Variants in MAPK6 observed in about 807,000 individuals in gnomAD.
The protein encoded by MAPK6 is ERK-3.
Under a neutral mutation model 59.3 loss-of-function variants are expected in MAPK6, and 19 were observed. The ratio of observed to expected loss-of-function variants is 0.32; its 90% CI spans 0.22 to 0.47. MAPK6 has a LOEUF of 0.47. Among genes scored for constraint, MAPK6 ranks in the 20% least tolerant of loss-of-function variants. The pLI, the probability that MAPK6 is intolerant of heterozygous loss-of-function variation, is 1.00. For synonymous variants in MAPK6, 316 were observed against 290.3 expected (o/e 1.09, Z -0.90); for missense variants, 724 against 847.9 (o/e 0.85, Z 1.81).
At chr15:52,010,432 C>A (rs1334817171) in intron 3 of MAPK6, among the ~76,000 whole-genome samples, 1 of 149,822 alleles carries the variant, frequency 6.7e-6, no homozygotes, top group Non-Finnish European at 1.5e-5. Context: ...TCAGGCTGGT[C>A]TTGAACGCCT....
chr15:52,030,641 T>TTTTA, intron 1 of MAPK6, among the ~76,000 whole-genome samples: 1 of 111,988 alleles, frequency 8.9e-6, no homozygotes, highest in Non-Finnish European at 1.9e-5. Context: ...TTTTTTTTTT[T>TTTTA]GAGGCAGAGT....
chr15:51,973,900 C>T (rs942245317), intron 1 of MAPK6, among the ~76,000 whole-genome samples: 2 of 151,842 alleles, frequency 1.3e-5, no homozygotes, highest in African/African-American at 2.4e-5. Context: ...GATCCACCCG[C>T]CTTGGCCTCC....
At chr15:51,979,062 G>A (rs2141803930) in intron 1 of MAPK6, among the ~76,000 whole-genome samples, 2 of 137,526 alleles carry the variant, frequency 1.5e-5, no homozygotes, top group South Asian at 5.3e-4. Context: ...AGTGAGCCAT[G>A]ATCATGCCAC....
At chr15:52,050,785 ATG>A (rs2031753131) in intron 3 of MAPK6, among the ~76,000 whole-genome samples, 1 of 152,182 alleles carries the variant, frequency 6.6e-6, no homozygotes, top group South Asian at 2.1e-4. Context: ...AAGAGAGAAA[ATG>A]TGTTATTTAA....
intron 2 of MAPK6, among the ~76,000 whole-genome samples, chr15:51,986,792 TC>T (rs1277609148): frequency 6.6e-6 from 1 of 152,152 alleles, no homozygotes; most frequent in Non-Finnish European, 1.5e-5. Flanking sequence ...AAGTTCTCAA[TC>T]CCCAATTCCA....
At chr15:52,016,741 A>G (rs1353128525), upstream of MAPK6, among the ~76,000 whole-genome samples, 1 of 151,966 alleles carries the variant, frequency 6.6e-6, no homozygotes, top group Non-Finnish European at 1.5e-5. Flanking sequence ...TCACTGAAAA[A>G]CCAGTCTTAA....
intron 2 of MAPK6, among the ~76,000 whole-genome samples, chr15:51,999,613 T>C (rs969936354): frequency 6.6e-6 from 1 of 152,124 alleles, no homozygotes; most frequent in African/African-American, 2.4e-5. Context: ...GGTTTCCTTT[T>C]TATTTTAGTT....
intron 3 of MAPK6, chr15:52,056,966 G>GC: frequency 6.6e-6 from 1 of 152,054 alleles, no homozygotes; most frequent in East Asian, 1.9e-4. Context: ...CCAGAACTGG[G>GC]CCCCTGATAT....
At chr15:52,013,106 A>G (rs1379037537) in intron 3 of MAPK6, among the ~76,000 whole-genome samples, 8 of 131,876 alleles carry the variant, frequency 6.1e-5, no homozygotes, top group Non-Finnish European at 9.5e-5. Context: ...TTTCTAGAGA[A>G]CTCTCTCAAG....
chr15:52,029,866 G>A (rs1233166467), intron 1 of MAPK6, among the ~76,000 whole-genome samples: 1 of 152,154 alleles, frequency 6.6e-6, no homozygotes. Context: ...CTTTTACTCA[G>A]CTACCTTCTT....
chr15:51,976,448 G>C (rs551608591), intron 1 of MAPK6, among the ~76,000 whole-genome samples: 1 of 151,586 alleles, frequency 6.6e-6, no homozygotes, highest in Non-Finnish European at 1.5e-5. Flanking sequence ...TGAGCAGAAC[G>C]TAAAACTCAA....
At chr15:52,024,832 C>T (rs2030695823) in intron 1 of MAPK6, 1 of 150,224 alleles carries the variant, frequency 6.7e-6, no homozygotes, top group Admixed American at 6.7e-5. Context: ...AAGTAATCCT[C>T]TCACCTCAGT....
chr15:52,013,436 G>A (rs1184533368), intron 3 of MAPK6, among the ~76,000 whole-genome samples: 1 of 151,996 alleles, frequency 6.6e-6, no homozygotes, highest in African/African-American at 2.4e-5. Context: ...CAAGGTATTT[G>A]GTAGTTTGTC....
chr15:51,981,336 G>A (rs1162549155), intron 1 of MAPK6, among the ~76,000 whole-genome samples: 2 of 151,990 alleles, frequency 1.3e-5, no homozygotes, highest in Non-Finnish European at 2.9e-5. Flanking sequence ...AGCCGCGTGT[G>A]GTGGCGGGCG....
chr15:52,047,178 G>A (rs750432460), intron 2 of MAPK6, among the ~76,000 whole-genome samples, 163 bp downstream of exon 2: 1 of 152,072 alleles, frequency 6.6e-6, no homozygotes, highest in Non-Finnish European at 1.5e-5. Flanking sequence ...AATGAAGGTG[G>A]AGTGGGATAA....
Position 52,046,446 on chromosome 15 carries a change from AG to A in MAPK6, c.-14del. 6.4e-7 allele frequency: 1 copy of A among 1,574,762 alleles called. No individual in the cohort carries two copies. The highest frequency in any genetic ancestry group is 8.6e-7 in the Non-Finnish European group (1 of 1,159,068). ...GTTCAATTTGAAAGGAAAAGGCAAT[AG>A]TAAGGGTTTCAAAATGGCAGAGAAA... On this transcript the variant is annotated 5_prime_UTR_variant, in exon 2 of 6. Coordinates refer to ENST00000261845, the MANE Select transcript of MAPK6 (RefSeq NM_002748.4).
chr15:52,060,259 AAAG>A (rs2032148908), intron 4 of MAPK6, among the ~76,000 whole-genome samples: 1 of 151,858 alleles, frequency 6.6e-6, no homozygotes, highest in Admixed American at 6.5e-5. Flanking sequence ...TTTCTAAAGA[AAAG>A]AAAAGGGTTC....
Position 52,029,545 on chromosome 15 carries a change from C to T in MAPK6, c.-632+10169C>T, listed in dbSNP as rs187553770. Among the ~76,000 whole-genome samples the T allele has an allele frequency of 7.2e-5, 11 of 152,274 alleles. 1 individual carries two copies. The East Asian group carries it at 2.1e-3, about 29-fold the overall frequency. On this transcript the variant is annotated intron_variant, in intron 1 of 5. Transcript: ENST00000261845. ...AGCTCCAGACATATTATCCAACTGC[C>T]TTGCTAGACATTACCACTTAGTAAC...
chr15:51,986,235 G>A (rs1174029758), intron 2 of MAPK6, among the ~76,000 whole-genome samples: 1 of 152,092 alleles, frequency 6.6e-6, no homozygotes, highest in Admixed American at 6.6e-5. Flanking sequence ...ACAGCAAGAA[G>A]AAAATCCACT....
Sources: gnomAD v4.1 joint callset for allele counts (sites outside exome capture counted in the v4.1 genomes callset) on GRCh38, gnomAD v4.1.1 for gene constraint, MANE v1.5 for transcripts, NCBI Gene and HGNC (gene_info 2026-07-23, HGNC 2026-07-21) for gene names.